MAP4: variants seen among roughly 807,000 people sequenced by gnomAD.
MAP4 encodes microtubule associated protein 4.
In MAP4, 76 loss-of-function variants were observed where a neutral mutation model predicts 170.2. That is an observed-to-expected ratio of 0.45 (90% CI 0.37 to 0.54). The LOEUF (loss-of-function observed/expected upper bound fraction) is 0.54, where lower values mean the gene tolerates loss of function less well. Ranked by LOEUF, MAP4 falls within the 20% of genes least tolerant of loss-of-function variation. The probability of loss-of-function intolerance (pLI) is 0.00; values close to 1 mark genes in which losing one functional copy is unlikely to be tolerated. For synonymous variants in MAP4, 909 were observed against 994.5 expected, an observed-to-expected ratio of 0.91 and a Z score of 1.62; for missense variants, 2,506 against 2,748.0, an observed-to-expected ratio of 0.91 and a Z score of 1.97.
chr3:47,951,809 C>T (rs921641913), intron 3 of MAP4, among the ~76,000 whole-genome samples: 26 of 151,702 alleles, frequency 1.7e-4, no homozygotes, highest in Non-Finnish European at 2.9e-4. Flanking sequence ...GCCTGGCCGC[C>T]CATCGTCTGG....
At chr3:47,973,902 TAAG>T in intron 3 of MAP4, 1 of 985,074 alleles carries the variant, frequency 1.0e-6, no homozygotes, top group Non-Finnish European at 1.2e-6. Flanking sequence ...TATCAACTGC[TAAG>T]AAGATAAGCA....
chr3:47,886,004 G>C (rs945218461), intron 10 of MAP4, among the ~76,000 whole-genome samples: 2 of 152,120 alleles, frequency 1.3e-5, no homozygotes, highest in South Asian at 4.2e-4. Context: ...TTGGGATTAC[G>C]GGCGTGAGCC....
At chr3:48,065,065 G>A (rs1191582201) in intron 1 of MAP4, among the ~76,000 whole-genome samples, 2 of 152,122 alleles carry the variant, frequency 1.3e-5, no homozygotes, top group African/African-American at 4.8e-5. Context: ...AGAAGTTCCA[G>A]GCTGCAGTGA....
At chr3:47,975,514 A>G (rs1224877931) in intron 3 of MAP4, 1 of 1,253,902 alleles carries the variant, frequency 8.0e-7, no homozygotes. Context: ...AGGGGAAGAA[A>G]AGGGTGGAAA....
Position 47,902,985 on chromosome 3 carries a change from G to T in MAP4, c.5399C>A (p.Ser1800Ter). ...CATTCCCAGCTGCTGGTAGACAGTT[G>T]ATGAGCTCAAGCAAACTGAAGAAAG... ...QLKSAVCLSS[S>*]TVYQQLGMSV... The change falls in exon 10 of 21, where the codon TCA (serine) becomes TAA (stop). Residue 1800 changes from serine to a stop codon, truncating the protein, a stop_gained. Coordinates refer to ENST00000683076, the MANE Select transcript of MAP4 (RefSeq NM_001385682.1). LOFTEE classifies it high-confidence loss of function. 1 of 985,072 alleles carries T rather than the reference G, an allele frequency of 1.0e-6. No individual in the cohort carries two copies. The highest frequency in any genetic ancestry group is 1.2e-6 in the Non-Finnish European group (1 of 829,658). 61.0% of individuals were successfully genotyped at this position (985,072 alleles called of 1,614,324 possible).
At chr3:48,005,503 T>C (rs895275175) in intron 1 of MAP4, among the ~76,000 whole-genome samples, 25 of 152,310 alleles carry the variant, frequency 1.6e-4, no homozygotes, top group Non-Finnish European at 2.8e-4. Flanking sequence ...GCCCACTAAG[T>C]AGGGACTCTG....
At chr3:47,943,263 G>A (rs565188596) in intron 3 of MAP4, among the ~76,000 whole-genome samples, 24 of 152,022 alleles carry the variant, frequency 1.6e-4, no homozygotes, top group East Asian at 1.5e-3. Flanking sequence ...CTATATTAGC[G>A]TCCTTCTCCA....
At chr3:47,942,966 T>C (rs547078969) in intron 3 of MAP4, among the ~76,000 whole-genome samples, 6 of 152,152 alleles carry the variant, frequency 3.9e-5, no homozygotes, top group Admixed American at 3.9e-4. Context: ...TTTAAAAAAT[T>C]AGCCAGGCAC....
At chr3:47,901,501 C>G (rs1418184999) in intron 10 of MAP4, among the ~76,000 whole-genome samples, 1 of 152,112 alleles carries the variant, frequency 6.6e-6, no homozygotes, top group East Asian at 1.9e-4. Context: ...CATGGCCAAA[C>G]CCAGCCTCTA....
chr3:48,031,421 C>T (rs947023428), intron 1 of MAP4, among the ~76,000 whole-genome samples: 1 of 152,026 alleles, frequency 6.6e-6, no homozygotes. Flanking sequence ...TGTGGTGGCA[C>T]ATGCCTGTAG....
At chr3:47,961,262 G>A (rs2100071417) in intron 3 of MAP4, among the ~76,000 whole-genome samples, 1 of 152,176 alleles carries the variant, frequency 6.6e-6, no homozygotes, top group Non-Finnish European at 1.5e-5. Context: ...AGGACATTGG[G>A]AGGCTGAGGC....
In MAP4 at chr3:47,910,969, G is replaced by A. The variant is rs1329809431; in HGVS notation, c.3452C>T (p.Ala1151Val). Residue 1151 changes from alanine to valine, a missense_variant, in exon 9 of 21, where the codon GCA becomes GTA. Physicochemically the swap from Ala to Val is moderately conservative, Grantham distance 64. Transcript: ENST00000683076. Reference sequence around the variant, plus strand: ...AGGAATCAATGCCTGCATGGTGCCTGCCACCTTAGGCTGAGTCATCTCTTT... The same window carrying A: ...AGGAATCAATGCCTGCATGGTGCCTACCACCTTAGGCTGAGTCATCTCTTT... ...EPKEMTQPKV[A>V]GTMQALIPLE... The A allele has an allele frequency of 1.3e-6, 2 of 1,536,032 alleles. No individual in the cohort carries two copies. Among genetic ancestry groups the A allele is most frequent in the Non-Finnish European group, 1.7e-6 (2 of 1,146,906 alleles).
intron 17 of MAP4, among the ~76,000 whole-genome samples, chr3:47,860,953 T>C (rs937329620): frequency 4.6e-5 from 7 of 152,342 alleles, no homozygotes; most frequent in African/African-American, 1.7e-4. Context: ...CCAGGCACAG[T>C]GGCTCACACC....
At chr3:48,048,692 AT>A (rs1559853986) in intron 1 of MAP4, among the ~76,000 whole-genome samples, 1 of 151,344 alleles carries the variant, frequency 6.6e-6, no homozygotes, top group African/African-American at 2.4e-5. Context: ...AATTTTTTAA[AT>A]TTTTTTGTAG....
At chr3:47,891,436 A>G (rs2100023877) in intron 10 of MAP4, 1 of 1,532,880 alleles carries the variant, frequency 6.5e-7, no homozygotes, top group Non-Finnish European at 8.7e-7. Flanking sequence ...AGCGCTTCAT[A>G]GCAGGAGCTC....
intron 1 of MAP4, among the ~76,000 whole-genome samples, chr3:48,055,339 C>T (rs1348821290): frequency 6.6e-6 from 1 of 152,176 alleles, no homozygotes; most frequent in African/African-American, 2.4e-5. Flanking sequence ...CTCAGTCTGC[C>T]GAATGCCTGC....
chr3:47,852,884 C>T lies in MAP4; in HGVS notation c.*50G>A, dbSNP rs748737939. 30 of 1,592,070 alleles carry T rather than the reference C, an allele frequency of 1.9e-5. No homozygotes were observed. The highest frequency in any genetic ancestry group is 2.3e-5 in the Non-Finnish European group (27 of 1,169,150). ...GGGGGGCGGGAGACAATGTCGGCCCCGTGGTCGGTGCGGGCCCTGGCATTT... is the reference window on the plus strand; with the variant it reads ...GGGGGGCGGGAGACAATGTCGGCCCTGTGGTCGGTGCGGGCCCTGGCATTT... On this transcript the variant is annotated 3_prime_UTR_variant, in exon 21 of 21. Transcript: ENST00000683076.
rs2100131215 is a variant in MAP4, at chr3:48,056,122, TCAGCCCCCCGCCCG to T, written c.-20+32637_-20+32650del. 3.6e-5 allele frequency among the ~76,000 whole-genome samples: 3 copies of T among 83,884 alleles called. No homozygotes were observed. The Admixed American group carries it at 3.6e-4, about 10-fold the overall frequency. The allele number at this position is 83,884 out of a possible 152,430, so 55.0% of individuals were successfully genotyped here. On this transcript the variant is annotated intron_variant, in intron 1 of 18. Transcript: ENST00000360240. Reference sequence around the variant, plus strand: ...CGTCCGGGAGGGAGGTGGGGGGGGGTCAGCCCCCCGCCCGGCCAGCCGCCCCATCCGGGAGGGAG... The same window carrying T: ...CGTCCGGGAGGGAGGTGGGGGGGGGTGCCAGCCGCCCCATCCGGGAGGGAG...
upstream of MAP4, among the ~76,000 whole-genome samples, chr3:48,016,922 A>C (rs1379188355): frequency 6.6e-6 from 1 of 152,184 alleles, no homozygotes; most frequent in South Asian, 2.1e-4. Flanking sequence ...GATTGCAGGC[A>C]TGCACACCAC....
Sources: allele counts gnomAD v4.1 joint callset (sites outside exome capture counted in the v4.1 genomes callset), GRCh38; gene constraint gnomAD v4.1.1; transcripts MANE v1.5; gene names NCBI Gene and HGNC (gene_info 2026-07-23, HGNC 2026-07-21).